STPG2: variants seen among roughly 807,000 people sequenced by gnomAD.
STPG2 encodes the protein sperm-tail PG-rich repeat-containing protein 2.
A neutral mutation model predicts 54.2 loss-of-function variants in STPG2; 56 were observed. The ratio of observed to expected loss-of-function variants is 1.03; its 90% confidence interval spans 0.83 to 1.29. The LOEUF (loss-of-function observed/expected upper bound fraction) is 1.29, where lower values mean the gene tolerates loss of function less well. Among genes scored for constraint, STPG2 ranks in the 50% most tolerant of loss-of-function variants. The pLI is 0.00. For synonymous variants in STPG2, 200 were observed against 181.8 expected (o/e 1.10, Z -0.81); for missense variants, 596 against 544.9 (o/e 1.09, Z -0.93).
chr4:97,711,065 T>C (rs888512130), intron 10 of STPG2, among the ~76,000 whole-genome samples: 4 of 151,734 alleles, frequency 2.6e-5, no homozygotes, highest in Admixed American at 1.3e-4. Context: ...AGCAAGAATA[T>C]CTTAAATACT....
Position 98,109,204 on chromosome 4 carries a change from A to G in STPG2, c.489T>C (p.Tyr163=), listed in dbSNP as rs1483429988. The G allele has an allele frequency of 1.3e-6, 2 of 1,597,588 alleles. No homozygotes were observed. Among genetic ancestry groups the G allele is most frequent in the South Asian group, 1.1e-5 (1 of 88,862 alleles). The part of the protein sequence containing the change: ...PKKSGPGPGQ[Y]DIVQKKTSYY... ...ATTTTTTTACTTACTGGACTATATC[A>G]TACTGTCCTGGACCAGGACCTGACT... Residue 163 remains tyrosine, a synonymous_variant, in exon 4 of 11, where the codon TAT becomes TAC. Transcript: ENST00000295268.
chr4:97,840,622 T>G, intron 9 of STPG2, 151 bp downstream of exon 9: 1 of 781,734 alleles, frequency 1.3e-6, no homozygotes, highest in Non-Finnish European at 2.0e-6. Flanking sequence ...CAATGTTATT[T>G]TGTTACAGCA....
chr4:97,986,795 T>C (rs185247047), intron 5 of STPG2, among the ~76,000 whole-genome samples: 107 of 152,332 alleles, frequency 7.0e-4, no homozygotes, highest in African/African-American at 2.4e-3. Context: ...ATCACTTTTC[T>C]TCTTATAACC....
chr4:97,948,627 T>A (rs144921873), intron 7 of STPG2, among the ~76,000 whole-genome samples: 1 of 152,214 alleles, frequency 6.6e-6, no homozygotes, highest in East Asian at 1.9e-4. Context: ...TATTATTCAT[T>A]TCAAAGAACT....
rs528146735 is a variant in STPG2, at chr4:97,963,496, T to A, written c.933+8784A>T. ...AGTGAGACCTTGTCTCTATGAAAAA[T>A]TTTTTTAAAATAGCCAGGTGTAACG... is the stretch of plus-strand genomic sequence containing the variant. On this transcript the variant is annotated intron_variant, in intron 7 of 10. Transcript: ENST00000295268. 6.6e-5 allele frequency among the ~76,000 whole-genome samples: 10 copies of A among 151,826 alleles called. No individual in the cohort carries two copies. The South Asian group carries it at 1.9e-3, about 28-fold the overall frequency.
At chr4:97,879,018 G>C (rs1201175236) in intron 8 of STPG2, among the ~76,000 whole-genome samples, 1 of 152,042 alleles carries the variant, frequency 6.6e-6, no homozygotes, top group Non-Finnish European at 1.5e-5. Context: ...AAATCTCTAG[G>C]CATGGGCAAA....
At chr4:97,904,446 C>T (rs1367567592) in intron 8 of STPG2, among the ~76,000 whole-genome samples, 3 of 152,298 alleles carry the variant, frequency 2.0e-5, no homozygotes, top group Admixed American at 2.0e-4. Flanking sequence ...CACCAAAAAC[C>T]CATCTGTACA....
intron 8 of STPG2, among the ~76,000 whole-genome samples, chr4:97,877,527 T>C (rs1387405033): frequency 6.6e-6 from 1 of 152,156 alleles, no homozygotes; most frequent in East Asian, 1.9e-4. Flanking sequence ...ATGTCTTACA[T>C]GGTGGCAGAC....
chr4:97,561,455 G>T (rs1435630084), intron 10 of STPG2, among the ~76,000 whole-genome samples: 1 of 152,268 alleles, frequency 6.6e-6, no homozygotes, highest in East Asian at 1.9e-4. Context: ...AGTTTAATTA[G>T]ATCTCATATG....
At chr4:97,588,809 T>C (rs1578408245) in intron 10 of STPG2, among the ~76,000 whole-genome samples, 1 of 152,206 alleles carries the variant, frequency 6.6e-6, no homozygotes, top group East Asian at 1.9e-4. Context: ...ACAAAAATAC[T>C]GGGAACAATT....
intron 5 of STPG2, among the ~76,000 whole-genome samples, chr4:98,069,438 C>A (rs780777161): frequency 6.6e-6 from 1 of 151,904 alleles, no homozygotes; most frequent in African/African-American, 2.4e-5. Context: ...TGATTTGTTG[C>A]AATTAGTGTG....
chr4:98,128,308 T>C, intron 3 of STPG2, 120 bp downstream of exon 3: 2 of 922,118 alleles, frequency 2.2e-6, no homozygotes, highest in Non-Finnish European at 3.1e-6. Context: ...ACAATTAGTG[T>C]TCCATTAACT....
intron 10 of STPG2, among the ~76,000 whole-genome samples, chr4:97,679,339 C>A (rs1407253567): frequency 6.6e-6 from 1 of 152,042 alleles, no homozygotes; most frequent in Non-Finnish European, 1.5e-5. Context: ...GAGATGGTAT[C>A]TCATTGTGGT....
rs564259796 is a variant in STPG2, at chr4:97,737,808, C to T, written c.1205-24994G>A. On this transcript the variant is annotated intron_variant, in intron 9 of 10. Coordinates refer to ENST00000295268, the MANE Select transcript of STPG2 (RefSeq NM_174952.3). ...CTCTTCAGGATATTATCCAGGAGAACTTCCCCAATCTAGCAAGGCAGGCCA... is the reference window on the plus strand; with the variant it reads ...CTCTTCAGGATATTATCCAGGAGAATTTCCCCAATCTAGCAAGGCAGGCCA... Among the ~76,000 whole-genome samples the T allele has an allele frequency of 1.3e-4, 20 of 152,324 alleles. 1 individual carries two copies. The East Asian group carries it at 3.9e-3, about 29-fold the overall frequency.
chr4:97,464,619 C>G (rs1381126005), intron 4 of STPG2, among the ~76,000 whole-genome samples: 2 of 152,082 alleles, frequency 1.3e-5, no homozygotes, highest in Admixed American at 1.3e-4. Context: ...GTTTCCCAGA[C>G]AAGTCTCCAA....
At chr4:97,799,740 G>T (rs559959433) in intron 9 of STPG2, among the ~76,000 whole-genome samples, 3 of 151,402 alleles carry the variant, frequency 2.0e-5, no homozygotes, top group South Asian at 2.1e-4. Flanking sequence ...GCCTTGCTAG[G>T]TTGGCGAAGT....
intron 8 of STPG2, among the ~76,000 whole-genome samples, chr4:97,932,898 G>A (rs1732604403): frequency 6.6e-6 from 1 of 152,134 alleles, no homozygotes; most frequent in African/African-American, 2.4e-5. Context: ...TGGGATTGCT[G>A]GATCAATTGG....
intron 7 of STPG2, among the ~76,000 whole-genome samples, chr4:97,948,417 T>C (rs1214119803): frequency 1.3e-5 from 2 of 151,990 alleles, no homozygotes; most frequent in Non-Finnish European, 2.9e-5. Context: ...TTCAAATACA[T>C]GTAGTTCTAC....
intron 5 of STPG2, among the ~76,000 whole-genome samples, chr4:98,054,930 ATAG>A (rs1279394149): frequency 2.0e-5 from 3 of 152,194 alleles, no homozygotes; most frequent in African/African-American, 7.2e-5. Context: ...CATTAAGTGT[ATAG>A]CACTTAACCC....
Sources: gnomAD v4.1 joint callset for allele counts (sites outside exome capture counted in the v4.1 genomes callset) on GRCh38, gnomAD v4.1.1 for gene constraint, MANE v1.5 for transcripts, NCBI Gene and HGNC (gene_info 2026-07-23, HGNC 2026-07-21) for gene names.